RGS8: variants seen among roughly 807,000 people sequenced by gnomAD.
RGS8 encodes the protein regulator of G-protein signaling 8.
RGS8 carries 8 observed loss-of-function variants against 21.7 expected under a neutral mutation model. The ratio of observed to expected loss-of-function variants is 0.37; its 90% confidence interval spans 0.22 to 0.66. RGS8 has a LOEUF of 0.66. Among genes scored for constraint, RGS8 ranks in the 30% least tolerant of loss-of-function variants. The pLI is 0.59. For synonymous variants in RGS8, 80 were observed against 83.6 expected (o/e 0.96, Z 0.24); for missense variants, 157 against 217.9 (o/e 0.72, Z 1.76).
At chr1:182,720,954 CAT>C in the RGS8 span, among the ~76,000 whole-genome samples, 1 of 66,332 alleles carries the variant, frequency 1.5e-5, no homozygotes, top group African/African-American at 5.8e-5. Flanking sequence ...TACATATATA[CAT>C]ACATATGTGT....
At chr1:182,696,908 T>C in the RGS8 span, among the ~76,000 whole-genome samples, 1 of 152,224 alleles carries the variant, frequency 6.6e-6, no homozygotes, top group Admixed American at 6.5e-5. Context: ...CTCTCACTCA[T>C]GTGCCTGACA....
At chr1:182,741,128 C>T in the RGS8 span, among the ~76,000 whole-genome samples, 1 of 150,694 alleles carries the variant, frequency 6.6e-6, no homozygotes, top group Admixed American at 6.6e-5. Flanking sequence ...CCAGTAGGCG[C>T]GGCCGGGCAG....
At chr1:182,688,742 G>C (rs554358775), upstream of RGS8, among the ~76,000 whole-genome samples, 1 of 152,190 alleles carries the variant, frequency 6.6e-6, no homozygotes, top group African/African-American at 2.4e-5. Context: ...TTGAAATGGA[G>C]AAAGAAGGCC....
chr1:182,689,452 A>G (rs564219723), upstream of RGS8, among the ~76,000 whole-genome samples: 2 of 152,342 alleles, frequency 1.3e-5, no homozygotes, highest in African/African-American at 2.4e-5. Context: ...TCTCCTATAC[A>G]GTATTATCTG....
chr1:182,691,125 C>G, the RGS8 span, among the ~76,000 whole-genome samples: 1 of 152,136 alleles, frequency 6.6e-6, no homozygotes, highest in East Asian at 1.9e-4. Context: ...GTGAGCCCAG[C>G]CAAGATTAGC....
the RGS8 span, among the ~76,000 whole-genome samples, chr1:182,694,639 T>A: frequency 6.6e-6 from 1 of 151,794 alleles, no homozygotes; most frequent in Non-Finnish European, 1.5e-5. Flanking sequence ...AAACCCTGTC[T>A]CTACTAAAAA....
At chr1:182,662,821 T>G (rs1421728627) in intron 5 of RGS8, among the ~76,000 whole-genome samples, 7 of 152,202 alleles carry the variant, frequency 4.6e-5, no homozygotes, top group Non-Finnish European at 8.8e-5. Context: ...ATCTTTGTGC[T>G]TCCCCTCCTC....
the RGS8 span, among the ~76,000 whole-genome samples, chr1:182,743,364 G>A: frequency 2.6e-5 from 4 of 152,096 alleles, no homozygotes; most frequent in Non-Finnish European, 5.9e-5. Flanking sequence ...GAGAATTGTA[G>A]ACAATTTCCT....
At chr1:182,655,775 G>A (rs1663245131) in intron 5 of RGS8, among the ~76,000 whole-genome samples, 2 of 151,306 alleles carry the variant, frequency 1.3e-5, no homozygotes, top group Non-Finnish European at 2.9e-5. Flanking sequence ...ATCAGACACA[G>A]CTCTTAGCTG....
chr1:182,750,699 A>G, the RGS8 span, among the ~76,000 whole-genome samples: 1 of 152,230 alleles, frequency 6.6e-6, no homozygotes, highest in Non-Finnish European at 1.5e-5. Flanking sequence ...TGCATTGAAT[A>G]CCTTCATGTT....
chr1:182,747,041 G>GTGTTTTTT, the RGS8 span, among the ~76,000 whole-genome samples: 1 of 26,192 alleles, frequency 3.8e-5, no homozygotes, highest in African/African-American at 8.2e-5. Context: ...AACACTGCTG[G>GTGTTTTTT]TCTTTTTTTT....
At chr1:182,689,562 A>T (rs138288804), upstream of RGS8, among the ~76,000 whole-genome samples, 19 of 152,352 alleles carry the variant, frequency 1.2e-4, no homozygotes, top group East Asian at 2.9e-3. Flanking sequence ...ATGAGAATGC[A>T]GAGCCCACTA....
At chr1:182,722,542 A>G in the RGS8 span, among the ~76,000 whole-genome samples, 1 of 151,634 alleles carries the variant, frequency 6.6e-6, no homozygotes, top group African/African-American at 2.4e-5. Flanking sequence ...CTTTCTATGC[A>G]CCTCTTGGCT....
At chr1:182,705,590 G>C in the RGS8 span, among the ~76,000 whole-genome samples, 1 of 135,624 alleles carries the variant, frequency 7.4e-6, no homozygotes. Context: ...GAGTATGAAG[G>C]AGAAGGCCTC....
At chr1:182,687,758 T>A (rs1016920786), upstream of RGS8, among the ~76,000 whole-genome samples, 1 of 152,198 alleles carries the variant, frequency 6.6e-6, no homozygotes, top group Non-Finnish European at 1.5e-5. Context: ...TAGAATAAAT[T>A]GAATTAAGAA....
chr1:182,741,764 A>G, the RGS8 span, among the ~76,000 whole-genome samples: 4 of 98,208 alleles, frequency 4.1e-5, no homozygotes, highest in South Asian at 3.2e-4. Flanking sequence ...TGACCCCCCC[A>G]CCTCCCTCCC....
chr1:182,744,833 GATC>G, the RGS8 span, among the ~76,000 whole-genome samples: 1 of 152,128 alleles, frequency 6.6e-6, no homozygotes, highest in Non-Finnish European at 1.5e-5. Context: ...GTCCAAACAT[GATC>G]ACAATTTTAG....
chr1:182,651,547 C>T (rs1226185366), intron 5 of RGS8, among the ~76,000 whole-genome samples: 1 of 152,210 alleles, frequency 6.6e-6, no homozygotes, highest in Non-Finnish European at 1.5e-5. Flanking sequence ...ATATATATCA[C>T]TTTCACACCA....
the RGS8 span, among the ~76,000 whole-genome samples, chr1:182,728,901 C>A: frequency 2.0e-5 from 3 of 152,228 alleles, no homozygotes; most frequent in African/African-American, 7.2e-5. Context: ...GGCTTAATAC[C>A]TAGGTAATGG....
Sources: gnomAD v4.1 joint callset for allele counts (sites outside exome capture counted in the v4.1 genomes callset) on GRCh38, gnomAD v4.1.1 for gene constraint, MANE v1.5 for transcripts, NCBI Gene and HGNC (gene_info 2026-07-23, HGNC 2026-07-21) for gene names.